Variants in MITF observed in about 807,000 individuals in gnomAD.
The protein encoded by MITF is melanocyte inducing transcription factor, also known as microphthalmia-associated transcription factor.
Under a neutral mutation model 60.5 loss-of-function variants are expected in MITF, and 17 were observed. The observed-to-expected ratio is 0.28, with a 90% CI of 0.19 to 0.42. The LOEUF (loss-of-function observed/expected upper bound fraction) is 0.42, where lower values mean the gene tolerates loss of function less well. Ranked by LOEUF, MITF falls within the 10% of genes least tolerant of loss-of-function variation. MITF has a pLI of 1.00. For synonymous variants in MITF, 260 were observed against 248.5 expected, an observed-to-expected ratio of 1.05 and a Z score of -0.43; for missense variants, 622 against 683.5, an observed-to-expected ratio of 0.91 and a Z score of 1.00.
At chr3:69,959,504 AG>A in intron 9 of MITF, 84 bp downstream of exon 9, 1 of 1,524,798 alleles carries the variant, frequency 6.6e-7, no homozygotes, top group Non-Finnish European at 9.0e-7. Context: ...GCCATAGGGG[AG>A]TTGACTTACG....
At chr3:69,823,684 A>T (rs1046728610) in intron 1 of MITF, among the ~76,000 whole-genome samples, 1 of 152,216 alleles carries the variant, frequency 6.6e-6, no homozygotes, top group African/African-American at 2.4e-5. Context: ...TTAGTATCAG[A>T]ATCTTTCCTC....
intron 8 of MITF, among the ~76,000 whole-genome samples, chr3:69,958,588 T>C (rs919417073): frequency 4.0e-5 from 6 of 150,504 alleles, no homozygotes; most frequent in Non-Finnish European, 8.9e-5. Context: ...AAAAAAAAAA[T>C]AGAAGGATGC....
chr3:69,874,732 G>T (rs1559689898), intron 1 of MITF, among the ~76,000 whole-genome samples: 1 of 152,226 alleles, frequency 6.6e-6, no homozygotes, highest in African/African-American at 2.4e-5. Context: ...CAGTCCCTAT[G>T]AGATAGTAAA....
At chr3:69,860,377 C>CG (rs1389933246) in intron 1 of MITF, among the ~76,000 whole-genome samples, 1 of 152,066 alleles carries the variant, frequency 6.6e-6, no homozygotes, top group Non-Finnish European at 1.5e-5. Flanking sequence ...GAGGCCGAGG[C>CG]GGGCGGATCA....
At chr3:69,911,303 G>T (rs1023883097) in intron 2 of MITF, among the ~76,000 whole-genome samples, 2 of 152,100 alleles carry the variant, frequency 1.3e-5, no homozygotes, top group African/African-American at 4.8e-5. Flanking sequence ...TTTATCAGCA[G>T]CATGAAAACG....
In MITF at chr3:69,968,046, A is replaced by G. The variant is rs1367584252; in HGVS notation, c.*2798A>G. Reference sequence around the variant, plus strand: ...AATAAGAACAAATACAATACATAGGAAGTTAAAAGCACAAAGGAATGAACT... The same window carrying G: ...AATAAGAACAAATACAATACATAGGGAGTTAAAAGCACAAAGGAATGAACT... On this transcript the variant is annotated 3_prime_UTR_variant, in exon 10 of 10. Transcript: ENST00000352241. 1 of 233,490 alleles carries G rather than the reference A, an allele frequency of 4.3e-6. No individual in the cohort carries two copies. The highest frequency in any genetic ancestry group is 6.0e-5 in the East Asian group (1 of 16,576). 14.5% of individuals were successfully genotyped at this position (233,490 alleles called of 1,614,324 possible).
rs144409232 is a variant in MITF, at chr3:69,817,667, A to T, written c.105-61467A>T. On this transcript the variant is annotated intron_variant, in intron 1 of 9. Coordinates refer to ENST00000352241, the MANE Select transcript of MITF (RefSeq NM_001354604.2). ...CCATCATATATTATTTCTGAAAAAAAATGAATCAAATATTCCAGATAACAT... is the reference window on the plus strand; with the variant it reads ...CCATCATATATTATTTCTGAAAAAATATGAATCAAATATTCCAGATAACAT... 6.6e-5 allele frequency among the ~76,000 whole-genome samples: 10 copies of T among 152,298 alleles called. No individual in the cohort carries two copies. In the East Asian group the frequency reaches 1.9e-3, roughly 29 times the overall value.
At chr3:69,827,931 A>C (rs1020316030) in intron 1 of MITF, among the ~76,000 whole-genome samples, 1 of 152,160 alleles carries the variant, frequency 6.6e-6, no homozygotes, top group African/African-American at 2.4e-5. Context: ...CCATAATTCA[A>C]TAAATAGTTC....
intron 2 of MITF, among the ~76,000 whole-genome samples, chr3:69,917,376 C>CTTTTTT (rs3044646): frequency 2.6e-5 from 3 of 113,298 alleles, no homozygotes; most frequent in African/African-American, 1.0e-4. Flanking sequence ...CAGTTGCCTC[C>CTTTTTT]TTTTTTTTTT....
intron 1 of MITF, among the ~76,000 whole-genome samples, chr3:69,847,983 A>G (rs1008469361): frequency 6.6e-6 from 1 of 151,836 alleles, no homozygotes; most frequent in Non-Finnish European, 1.5e-5. Context: ...ATCAGCTTCA[A>G]CTCCTTCTTT....
At chr3:69,962,173 G>A (rs1183085972) in intron 9 of MITF, among the ~76,000 whole-genome samples, 1 of 152,200 alleles carries the variant, frequency 6.6e-6, no homozygotes, top group Non-Finnish European at 1.5e-5. Flanking sequence ...CTGTGTGGAG[G>A]TACTGTTCTT....
intron 1 of MITF, among the ~76,000 whole-genome samples, chr3:69,782,593 A>C (rs1345281157): frequency 1.3e-5 from 2 of 152,160 alleles, no homozygotes; most frequent in Non-Finnish European, 2.9e-5. Context: ...AAACCCAAGC[A>C]GCATTACAGA....
At chr3:69,853,863 C>CTTT (rs571942610) in intron 1 of MITF, among the ~76,000 whole-genome samples, 1 of 135,624 alleles carries the variant, frequency 7.4e-6, no homozygotes, top group African/African-American at 2.7e-5. Flanking sequence ...TCTCTTTCGT[C>CTTT]TTTTTTTTTT....
Position 69,966,947 on chromosome 3 carries a change from T to A in MITF, c.*1699T>A, listed in dbSNP as rs2066703881. 1 of 232,588 alleles carries A rather than the reference T, an allele frequency of 4.3e-6. No homozygotes were observed. The highest frequency in any genetic ancestry group is 2.2e-5 in the African/African-American group (1 of 45,302). 14.4% of individuals were successfully genotyped at this position (232,588 alleles called of 1,614,324 possible). On this transcript the variant is annotated 3_prime_UTR_variant, in exon 10 of 10. Transcript: ENST00000352241. ...ACGAACATGTAGCATGGTGCCTATG[T>A]AGACAATATAAGAGCTTCCAATTTT...
chr3:69,833,536 T>C (rs1286066095), intron 1 of MITF, among the ~76,000 whole-genome samples: 1 of 152,010 alleles, frequency 6.6e-6, no homozygotes, highest in Non-Finnish European at 1.5e-5. Flanking sequence ...ATTTACACTG[T>C]ATGTGATTGT....
intron 1 of MITF, among the ~76,000 whole-genome samples, chr3:69,813,904 G>A (rs940433150): frequency 1.1e-4 from 17 of 152,122 alleles, no homozygotes; most frequent in Non-Finnish European, 2.5e-4. Flanking sequence ...AAATCTATGG[G>A]AACTTAATGG....
chr3:69,782,559 C>G (rs1321899080), intron 1 of MITF, among the ~76,000 whole-genome samples: 1 of 152,126 alleles, frequency 6.6e-6, no homozygotes, highest in African/African-American at 2.4e-5. Flanking sequence ...AGCTGTGACT[C>G]GAACCCAGTC....
chr3:69,855,639 T>G (rs1007337437), intron 1 of MITF, among the ~76,000 whole-genome samples: 9 of 152,078 alleles, frequency 5.9e-5, no homozygotes, highest in African/African-American at 2.2e-4. Context: ...GTGTATGAAG[T>G]ACTATATAGC....
At chr3:69,768,257 G>A (rs2062332812) in intron 1 of MITF, among the ~76,000 whole-genome samples, 1 of 152,166 alleles carries the variant, frequency 6.6e-6, no homozygotes, top group Admixed American at 6.5e-5. Flanking sequence ...AAATTTTGGA[G>A]GATAAAGTTA....
Sources: gnomAD v4.1 joint callset for allele counts (sites outside exome capture counted in the v4.1 genomes callset) on GRCh38, gnomAD v4.1.1 for gene constraint, MANE v1.5 for transcripts, NCBI Gene and HGNC (gene_info 2026-07-23, HGNC 2026-07-21) for gene names.